The following DLC1 variants were observed in gnomAD, a reference collection of about 807,000 sequenced individuals.
DLC1 encodes the protein rho GTPase-activating protein 7.
DLC1 carries 54 observed loss-of-function variants against 140.3 expected under a neutral mutation model. The ratio of observed to expected loss-of-function variants is 0.38; its 90% CI spans 0.31 to 0.48. DLC1 has a LOEUF of 0.48. Ranked by LOEUF, DLC1 falls within the 20% of genes least tolerant of loss-of-function variation. The pLI, the probability that DLC1 is intolerant of heterozygous loss-of-function variation, is 0.96. For missense variants in DLC1, 2,536 were observed against 1,907.0 expected (o/e 1.33, Z -6.14); for synonymous variants, 986 against 728.1 (o/e 1.35, Z -5.70).
chr8:13,229,351 C>A (rs111732689), intron 5 of DLC1, among the ~76,000 whole-genome samples: 6,598 of 152,156 alleles, frequency 0.043, 363 homozygotes, highest in African/African-American at 0.12. Flanking sequence ...CACATATCCT[C>A]TGATTCCATT....
At position 13,415,771 on chromosome 8, in the gene DLC1, TG is replaced by T. The variant is rs1322724835; in HGVS notation, c.1024-14153del. 9.2e-5 allele frequency among the ~76,000 whole-genome samples: 14 copies of T among 152,258 alleles called. 1 individual carries two copies. The highest frequency in any genetic ancestry group is 2.9e-4 in the African/African-American group (12 of 41,528). On this transcript the variant is annotated intron_variant, in intron 2 of 17. Coordinates refer to ENST00000276297, the MANE Select transcript of DLC1 (RefSeq NM_182643.3). ...TTTAAATAACTTGAAGAAGAAGTGC[TG>T]GATAGTATGTTCATGATTTTTTTTC...
chr8:13,090,517 C>G, intron 14 of DLC1, 47 bp from the exon 15 acceptor site: 2 of 1,598,646 alleles, frequency 1.3e-6, no homozygotes, highest in Non-Finnish European at 1.7e-6. Context: ...CACCTGTACT[C>G]AATCTCAATG....
intron 6 of DLC1, among the ~76,000 whole-genome samples, chr8:13,114,407 C>T (rs1315772840): frequency 1.3e-5 from 2 of 152,120 alleles, no homozygotes; most frequent in East Asian, 3.9e-4. Context: ...TCTTGACATG[C>T]AGGGAGCACA....
chr8:13,526,084 A>G (rs1802914734), intron 1 of DLC1, among the ~76,000 whole-genome samples: 1 of 152,190 alleles, frequency 6.6e-6, no homozygotes, highest in Non-Finnish European at 1.5e-5. Context: ...TTCTTTTCCC[A>G]TGGAATTTTC....
chr8:13,407,279 C>T (rs1204635931), intron 2 of DLC1, among the ~76,000 whole-genome samples: 1 of 152,142 alleles, frequency 6.6e-6, no homozygotes, highest in Non-Finnish European at 1.5e-5. Flanking sequence ...TTTAGAGAAT[C>T]ATTCTTTCCT....
intron 5 of DLC1, among the ~76,000 whole-genome samples, chr8:13,294,143 G>A (rs960095202): frequency 2.6e-5 from 4 of 152,116 alleles, no homozygotes; most frequent in African/African-American, 9.7e-5. Flanking sequence ...GACCACCAAT[G>A]ATCTTTTGAC....
intron 5 of DLC1, among the ~76,000 whole-genome samples, chr8:13,166,920 G>C (rs1397196346): frequency 3.9e-5 from 6 of 152,036 alleles, no homozygotes; most frequent in Non-Finnish European, 7.4e-5. Flanking sequence ...TTTTTTTGGA[G>C]GTGGCAGAAA....
rs773166036 is a variant in DLC1, at chr8:13,099,451, G to T, written c.2886C>A (p.Ser962Arg). The T allele has an allele frequency of 1.6e-5, 26 of 1,614,042 alleles. No homozygotes were observed. Among genetic ancestry groups the T allele is most frequent in the Non-Finnish European group, 1.9e-5 (22 of 1,180,038 alleles). Residue 962 changes from serine to arginine, a missense_variant, in exon 9 of 18, where the codon AGC becomes AGA. By Grantham distance (110) the Ser-to-Arg change is moderately radical. Coordinates refer to ENST00000276297, the MANE Select transcript of DLC1 (RefSeq NM_182643.3). ...GGGAGTTGCCTGTGCTGTCCAGGTC[G>T]CTGGGTGTGGTTCGGTCGTTGTCCA... ...LDVDNDRTTP[S>R]DLDSTGNSLN... is the part of the protein sequence containing the mutation.
chr8:13,487,376 G>T (rs1249531290), intron 2 of DLC1, among the ~76,000 whole-genome samples: 1 of 152,064 alleles, frequency 6.6e-6, no homozygotes, highest in Non-Finnish European at 1.5e-5. Context: ...ATTCATCAAT[G>T]AATTTTGTGC....
chr8:13,230,246 A>G (rs1435802881), intron 5 of DLC1, among the ~76,000 whole-genome samples: 1 of 152,240 alleles, frequency 6.6e-6, no homozygotes, highest in Non-Finnish European at 1.5e-5. Context: ...TTTCATAAAT[A>G]CCTTGTTCAA....
Position 13,286,109 on chromosome 8 carries a change from T to C in DLC1, c.1348+19160A>G, listed in dbSNP as rs185365802. On this transcript the variant is annotated intron_variant, in intron 5 of 17. Coordinates refer to ENST00000276297, the MANE Select transcript of DLC1 (RefSeq NM_182643.3). ...AATCCAATTGAAAAATCAATGGATT[T>C]ATGAATAAGATTTCACAGAACATAT... Among the ~76,000 whole-genome samples, 19 of 152,330 alleles carry C rather than the reference T, an allele frequency of 1.2e-4. No individual in the cohort carries two copies. In the East Asian group the frequency reaches 3.7e-3, roughly 29 times the overall value.
chr8:13,408,753 A>T (rs1272813037), intron 2 of DLC1, among the ~76,000 whole-genome samples: 1 of 152,196 alleles, frequency 6.6e-6, no homozygotes, highest in Non-Finnish European at 1.5e-5. Context: ...ATTCCATACT[A>T]TCATGCTTAT....
chr8:13,400,707 GT>G (rs1178018171), intron 3 of DLC1, among the ~76,000 whole-genome samples: 4 of 152,036 alleles, frequency 2.6e-5, no homozygotes, highest in Middle Eastern at 3.4e-3. Flanking sequence ...GACTTAATAT[GT>G]TTATTATTGA....
intron 5 of DLC1, among the ~76,000 whole-genome samples, chr8:13,174,023 T>TC (rs979548435): frequency 2.6e-5 from 4 of 152,050 alleles, no homozygotes; most frequent in Non-Finnish European, 5.9e-5. Context: ...CCTTCACTCT[T>TC]CCCCCTATTA....
intron 4 of DLC1, among the ~76,000 whole-genome samples, chr8:13,337,789 A>G (rs1227672587): frequency 6.6e-6 from 1 of 152,198 alleles, no homozygotes; most frequent in African/African-American, 2.4e-5. Context: ...ATTCTGAGCA[A>G]CAAAGAAAAG....
chr8:13,130,673 T>A (rs141089956), intron 5 of DLC1, among the ~76,000 whole-genome samples: 1 of 152,248 alleles, frequency 6.6e-6, no homozygotes, highest in Non-Finnish European at 1.5e-5. Flanking sequence ...GAATGAGTGG[T>A]GTTTCTCATG....
intron 5 of DLC1, among the ~76,000 whole-genome samples, chr8:13,269,033 C>A (rs1830811975): frequency 1.3e-5 from 2 of 151,970 alleles, no homozygotes; most frequent in Admixed American, 1.3e-4. Context: ...GCCACCACGC[C>A]TGGCTAATTT....
chr8:13,364,918 A>G (rs67954024), intron 4 of DLC1, among the ~76,000 whole-genome samples: 29,199 of 152,178 alleles, frequency 0.19, 3,075 homozygotes, highest in Non-Finnish European at 0.24. Flanking sequence ...TATAATTGCA[A>G]TGTTTGTTTT....
upstream of DLC1, among the ~76,000 whole-genome samples, chr8:13,518,871 T>C (rs191056170): frequency 6.6e-5 from 10 of 152,312 alleles, no homozygotes; most frequent in East Asian, 1.2e-3. Flanking sequence ...TTGTAATTTA[T>C]TGAAGTTACT....
Sources: gnomAD v4.1 joint callset for allele counts (sites outside exome capture counted in the v4.1 genomes callset) on GRCh38, gnomAD v4.1.1 for gene constraint, MANE v1.5 for transcripts, NCBI Gene and HGNC (gene_info 2026-07-23, HGNC 2026-07-21) for gene names.